KIAA0232: variants seen among roughly 807,000 people sequenced by gnomAD.
KIAA0232 encodes the protein uncharacterized protein KIAA0232.
KIAA0232 carries 27 observed loss-of-function variants against 122.0 expected under a neutral mutation model. The observed-to-expected ratio is 0.22, with a 90% CI of 0.16 to 0.31. The LOEUF (loss-of-function observed/expected upper bound fraction) is 0.31, where lower values mean the gene tolerates loss of function less well. KIAA0232 is among the 10% of genes least tolerant of loss of function. The pLI is 1.00. For synonymous variants in KIAA0232, 613 were observed against 587.6 expected (o/e 1.04, Z -0.63); for missense variants, 1,551 against 1,634.2 (o/e 0.95, Z 0.88).
intron 3 of KIAA0232, among the ~76,000 whole-genome samples, chr4:6,832,689 C>T (rs1719059417): frequency 6.6e-6 from 1 of 152,068 alleles, no homozygotes; most frequent in African/African-American, 2.4e-5. Context: ...TGTTGGATTC[C>T]CAGCCCTTAA....
chr4:6,831,057 T>G (rs1471496006), intron 3 of KIAA0232, among the ~76,000 whole-genome samples: 1 of 151,946 alleles, frequency 6.6e-6, no homozygotes, highest in Non-Finnish European at 1.5e-5. Flanking sequence ...TAAAATTTAT[T>G]TATTTATTAT....
chr4:6,852,007 T>A (rs1301418379), intron 4 of KIAA0232, among the ~76,000 whole-genome samples: 1 of 152,196 alleles, frequency 6.6e-6, no homozygotes, highest in Non-Finnish European at 1.5e-5. Context: ...TATAACAGTT[T>A]GATATCCTCT....
intron 3 of KIAA0232, among the ~76,000 whole-genome samples, chr4:6,831,687 GCCCCCCTC>G (rs1718990438): frequency 4.6e-5 from 7 of 152,110 alleles, no homozygotes; most frequent in Admixed American, 4.6e-4. Context: ...CAACCCAGAA[GCCCCCCTC>G]GTGTCCCACA....
At chr4:6,842,334 A>G (rs1577390517) in intron 4 of KIAA0232, 130 bp downstream of exon 4, 1 of 863,928 alleles carries the variant, frequency 1.2e-6, no homozygotes, top group South Asian at 1.7e-5. Context: ...AGTAACATGA[A>G]CATTACCACT....
At chr4:6,869,514 G>T (rs1187818847) in intron 7 of KIAA0232, among the ~76,000 whole-genome samples, 2 of 152,224 alleles carry the variant, frequency 1.3e-5, no homozygotes, top group East Asian at 3.8e-4. Flanking sequence ...TGCAGGCCTT[G>T]CGTGGTGCCA....
At chr4:6,840,085 G>A (rs1719562658) in intron 3 of KIAA0232, among the ~76,000 whole-genome samples, 1 of 152,140 alleles carries the variant, frequency 6.6e-6, no homozygotes, top group African/African-American at 2.4e-5. Context: ...TCCAGAAGTT[G>A]GGCTGGCCCC....
intron 2 of KIAA0232, among the ~76,000 whole-genome samples, chr4:6,809,483 A>G (rs1717779578): frequency 6.6e-6 from 1 of 152,208 alleles, no homozygotes; most frequent in Admixed American, 6.5e-5. Context: ...GTGTCCCAGA[A>G]TGATTATGAT....
At chr4:6,813,520 G>C (rs936153106) in intron 2 of KIAA0232, among the ~76,000 whole-genome samples, 1 of 151,856 alleles carries the variant, frequency 6.6e-6, no homozygotes, top group African/African-American at 2.4e-5. Context: ...CTGCCACCAC[G>C]CCCGGCTAAC....
intron 1 of KIAA0232, among the ~76,000 whole-genome samples, chr4:6,794,830 A>G (rs1224148025): frequency 2.0e-5 from 3 of 152,208 alleles, no homozygotes; most frequent in Non-Finnish European, 2.9e-5. Flanking sequence ...TGGCAAGGGT[A>G]ATGGTGGTGA....
intron 1 of KIAA0232, among the ~76,000 whole-genome samples, chr4:6,799,132 A>G (rs1717263473): frequency 6.6e-6 from 1 of 151,842 alleles, no homozygotes; most frequent in Non-Finnish European, 1.5e-5. Flanking sequence ...TATTGGCAAT[A>G]CTTGGCATTT....
chr4:6,848,048 G>A (rs956550395), intron 4 of KIAA0232, among the ~76,000 whole-genome samples: 16 of 152,278 alleles, frequency 1.1e-4, no homozygotes, highest in Non-Finnish European at 1.9e-4. Context: ...TGGGGTGTTA[G>A]TTTTGAAGGT....
Position 6,824,467 on chromosome 4 carries a change from G to A in KIAA0232, c.14G>A (p.Cys5Tyr). The A allele has an allele frequency of 6.2e-7, 1 of 1,613,988 alleles. No individual in the cohort carries two copies. ...CAACCTAAATTCATGTACCCTATCT[G>A]TACAGTTGTTGTGGATGGTTTGCCA... is the stretch of plus-strand genomic sequence containing the variant. MYPICTVVVDGLPSE... is the reference protein window; with the variant it reads MYPIYTVVVDGLPSE... Residue 5 changes from cysteine to tyrosine, a missense_variant, in exon 3 of 10, where the codon TGT (cysteine) becomes TAT (tyrosine). By Grantham distance (194) the Cys-to-Tyr change is radical. This residue lies in a region of KIAA0232 where 37 missense variants were observed against 28.5 expected (regional missense o/e 1.30). Transcript: ENST00000307659.
rs6850808 is a variant in KIAA0232 at position 6,872,617 on chromosome 4, C to A, written c.3910+935C>A. ...AAGTTCAGCTTGTCCAGATTGTGGT[C>A]TCCTGGGCTTCTATTGGCTACCACA... On this transcript the variant is annotated intron_variant, in intron 8 of 9. Transcript: ENST00000307659. Among the ~76,000 whole-genome samples the A allele has an allele frequency of 9.0e-3, 1,370 of 152,290 alleles. 22 individuals carry two copies. The highest frequency in any genetic ancestry group is 0.028 in the African/African-American group (1,183 of 41,562).
chr4:6,879,064 C>G (rs375165764), intron 9 of KIAA0232, among the ~76,000 whole-genome samples: 1 of 152,178 alleles, frequency 6.6e-6, no homozygotes, highest in African/African-American at 2.4e-5. Context: ...TCAGCCACTT[C>G]GCATCTCCCA....
chr4:6,836,528 C>CTTTTTT (rs1323217192), intron 3 of KIAA0232, among the ~76,000 whole-genome samples: 28 of 95,608 alleles, frequency 2.9e-4, no homozygotes, highest in African/African-American at 3.8e-4. Context: ...TGTCCTTTTT[C>CTTTTTT]TTTTTTTTTT....
chr4:6,804,679 T>C (rs1375519774), intron 2 of KIAA0232, 73 bp downstream of exon 2: 1 of 152,214 alleles, frequency 6.6e-6, no homozygotes, highest in Non-Finnish European at 1.5e-5. Flanking sequence ...GGAATACTAA[T>C]TGATTTACTG....
intron 3 of KIAA0232, among the ~76,000 whole-genome samples, chr4:6,837,152 ACGGGCCGGCTGG>A (rs1719344725): frequency 6.7e-6 from 1 of 150,044 alleles, no homozygotes; most frequent in Non-Finnish European, 1.5e-5. Flanking sequence ...CACCTCCCGA[ACGGGCCGGCTGG>A]CGGGGCGGAG....
chr4:6,795,421 C>T (rs1405540328), intron 1 of KIAA0232, among the ~76,000 whole-genome samples: 3 of 152,108 alleles, frequency 2.0e-5, no homozygotes, highest in Admixed American at 2.0e-4. Flanking sequence ...TTGAGATGCG[C>T]TGTGTCAATT....
chr4:6,822,688 G>A (rs1473266249), intron 2 of KIAA0232, among the ~76,000 whole-genome samples: 1 of 151,554 alleles, frequency 6.6e-6, no homozygotes, highest in Non-Finnish European at 1.5e-5. Flanking sequence ...TAATTTGGGG[G>A]GAAGCCATTA....
Sources: gnomAD v4.1 joint callset for allele counts (sites outside exome capture counted in the v4.1 genomes callset) on GRCh38, gnomAD v4.1.1 for gene constraint, gnomAD v4.1.1 regional missense constraint, MANE v1.5 for transcripts, NCBI Gene and HGNC (gene_info 2026-07-23, HGNC 2026-07-21) for gene names.